Variants in DYNC1H1 observed in about 807,000 individuals in gnomAD.
DYNC1H1 encodes dynein cytoplasmic 1 heavy chain 1.
Under a neutral mutation model 527.1 loss-of-function variants are expected in DYNC1H1, and 51 were observed. The observed-to-expected ratio is 0.10, with a 90% CI of 0.08 to 0.12. The LOEUF (loss-of-function observed/expected upper bound fraction) is 0.12. Among genes scored for constraint, DYNC1H1 ranks in the 10% least tolerant of loss-of-function variants. The probability of loss-of-function intolerance (pLI) is 1.00; values close to 1 mark genes in which losing one functional copy is unlikely to be tolerated. For missense variants in DYNC1H1, 2,771 were observed against 5,971.8 expected (o/e 0.46, Z 17.66); for synonymous variants, 2,189 against 2,278.8 (o/e 0.96, Z 1.12).
intron 57 of DYNC1H1, chr14:102,037,716 T>C (rs2048594444): frequency 1.3e-5 from 2 of 153,656 alleles, no homozygotes; most frequent in Admixed American, 1.3e-4. Context: ...TTTACCTATG[T>C]AACAAACCTG....
chr14:102,032,830 G>T, intron 52 of DYNC1H1: 1 of 584,372 alleles, frequency 1.7e-6, no homozygotes, highest in Non-Finnish European at 3.0e-6. Flanking sequence ...TCCAGCCTGG[G>T]TGACAGAGAA....
In DYNC1H1 at chr14:101,979,383, G is replaced by A. The variant is rs143421325; in HGVS notation, c.409G>A (p.Val137Ile). ...ADKPVSSQLR[V>I]LTLSEDSPYE... ...TAAACCCGTGTCTTCTCAGCTCCGG[G>A]TCCTTACACTCAGTGAAGACTCGCC... Residue 137 changes from valine to isoleucine, a missense_variant, in exon 3 of 78, where the codon GTC becomes ATC. Around this residue, in one of 32 missense-constraint regions of DYNC1H1, gnomAD observed 146 missense variants for 288.1 expected, o/e 0.51. Transcript: ENST00000360184. This position sits in a 1 kb window ranked among gnomAD's most constrained non-coding sequence, Gnocchi z 4.6. 1.8e-4 allele frequency: 285 copies of A among 1,614,110 alleles called. No individual in the cohort carries two copies. In the African/African-American group the frequency reaches 3.3e-3, roughly 19 times the overall value.
rs758656677 is a variant in DYNC1H1, at chr14:102,050,056, GCT to G, written c.13685-14_13685-13del. 3 of 1,614,126 alleles carry G rather than the reference GCT, an allele frequency of 1.9e-6. No individual in the cohort carries two copies. The highest frequency in any genetic ancestry group is 2.5e-6 in the Non-Finnish European group (3 of 1,180,014). ...TGTGTTCACCTCAGCCTGGGTTTTG[GCT>G]TCCGCCTCACAGGTTTGAAACTTCA... On this transcript the variant is annotated splice_polypyrimidine_tract_variant and intron_variant, in intron 76 of 77. Transcript: ENST00000360184.
intron 69 of DYNC1H1, chr14:102,043,178 G>T (rs868684871): frequency 1.6e-5 from 5 of 305,868 alleles, no homozygotes; most frequent in Middle Eastern, 2.3e-3. Context: ...AGCTACTGGG[G>T]AGGCTGAGGC....
rs2048187055 is a variant in DYNC1H1 at position 102,005,504 on chromosome 14, A to G, written c.5433+268A>G. 6.6e-6 allele frequency among the ~76,000 whole-genome samples: 1 copy of G among 152,228 alleles called. No individual in the cohort carries two copies. Among genetic ancestry groups the G allele is most frequent in the South Asian group, 2.1e-4 (1 of 4,838 alleles). On this transcript the variant is annotated intron_variant, in intron 26 of 77. Transcript: ENST00000360184. The surrounding 1 kb of genome is among the most constrained non-coding windows in gnomAD (Gnocchi z 4.0). ...TCTTGCTCTTTCCTGTCATCTCCCC[A>G]GAGAGGTGGCCACAGCAGTGCTAAG...
At chr14:102,040,796 C>A in intron 64 of DYNC1H1, 123 bp downstream of exon 64, 1 of 1,211,552 alleles carries the variant, frequency 8.3e-7, no homozygotes, top group Non-Finnish European at 1.2e-6. Context: ...CCCATCTCTA[C>A]AAAAAATAAA....
chr14:102,042,144 T>G lies in DYNC1H1; in HGVS notation c.12214+20T>G, dbSNP rs200763934. ...CAATCGGTAAGGATGCTTGAGGGGC[T>G]TCATGGGCTGGAGCCCTGCAGGATT... On this transcript the variant is annotated intron_variant, in intron 66 of 77. Coordinates refer to ENST00000360184, the MANE Select transcript of DYNC1H1 (RefSeq NM_001376.5). This position sits in a 1 kb window ranked among gnomAD's most constrained non-coding sequence, Gnocchi z 5.7. 1.2e-6 allele frequency: 2 copies of G among 1,613,964 alleles called. No individual in the cohort carries two copies. The highest frequency in any genetic ancestry group is 1.7e-6 in the Non-Finnish European group (2 of 1,180,004).
intron 29 of DYNC1H1, chr14:102,009,203 C>T (rs573914412): frequency 6.5e-6 from 1 of 154,200 alleles, no homozygotes; most frequent in Non-Finnish European, 1.4e-5. Context: ...AGGAGGCAAA[C>T]ATTTGGGTAT....
At position 102,039,818 on chromosome 14, in the gene DYNC1H1, C is replaced by A. The variant is rs193061551; in HGVS notation, c.11690+86C>A. ...GATCAGATACATGCTTTTATTATTT[C>A]TTTTATTTTCTCTTTTATTTTCTTT... On this transcript the variant is annotated intron_variant, in intron 62 of 77. Transcript: ENST00000360184. The surrounding 1 kb of genome is among the most constrained non-coding windows in gnomAD (Gnocchi z 7.0). 4.4e-5 allele frequency: 62 copies of A among 1,411,664 alleles called. No individual in the cohort carries two copies. The African/African-American group carries it at 8.5e-4, about 19-fold the overall frequency. The allele number at this position is 1,411,664 out of a possible 1,614,324, so 87.4% of individuals were successfully genotyped here. A position where few individuals can be genotyped will look rare whatever the true frequency, so the allele number is the denominator to read the frequency against.
Position 102,017,815 on chromosome 14 carries a change from A to C in DYNC1H1, c.8177+311A>C. On this transcript the variant is annotated intron_variant, in intron 40 of 77. Transcript: ENST00000360184. The surrounding 1 kb of genome is among the most constrained non-coding windows in gnomAD (Gnocchi z 4.6). ...CCTCGTCTCTACTGAAAATACAAAAACAAAATTAAGGCCGGGCGTGGTGGC... is the reference window on the plus strand; with the variant it reads ...CCTCGTCTCTACTGAAAATACAAAACCAAAATTAAGGCCGGGCGTGGTGGC... The C allele has an allele frequency of 2.6e-6, 1 of 386,266 alleles. No individual in the cohort carries two copies. The highest frequency in any genetic ancestry group is 4.7e-6 in the Non-Finnish European group (1 of 211,318). The allele number at this position is 386,266 out of a possible 1,614,324, so 23.9% of individuals were successfully genotyped here. A position where few individuals can be genotyped will look rare whatever the true frequency, so the allele number is the denominator to read the frequency against.
chr14:102,006,345 C>T (rs1262507669), intron 27 of DYNC1H1, among the ~76,000 whole-genome samples, 175 bp downstream of exon 27: 1 of 151,936 alleles, frequency 6.6e-6, no homozygotes, highest in African/African-American at 2.4e-5. Context: ...AGCCATTCTC[C>T]TGCCTCAGCC....
At position 101,997,355 on chromosome 14, in the gene DYNC1H1, C is replaced by G. The variant is rs1252610614; in HGVS notation, c.3804+81C>G. 1 of 1,603,988 alleles carries G rather than the reference C, an allele frequency of 6.2e-7. No homozygotes were observed. The highest frequency in any genetic ancestry group is 8.5e-7 in the Non-Finnish European group (1 of 1,176,078). On this transcript the variant is annotated intron_variant, in intron 16 of 77. Transcript: ENST00000360184. This position sits in a 1 kb window ranked among gnomAD's most constrained non-coding sequence, Gnocchi z 4.8. ...TGACTTTCTTTCAAGCCTAAAAGGC[C>G]TTGCTGTGACTGAGCTTTCTAGTAT...
rs957110723 is a variant in DYNC1H1 at position 101,965,693 on chromosome 14, G to A, written c.256+746G>A. Among the ~76,000 whole-genome samples, 3 of 151,866 alleles carry A rather than the reference G, an allele frequency of 2.0e-5. No homozygotes were observed. Among genetic ancestry groups the A allele is most frequent in the Non-Finnish European group, 4.4e-5 (3 of 68,014 alleles). On this transcript the variant is annotated intron_variant, in intron 1 of 77. Coordinates refer to ENST00000360184, the MANE Select transcript of DYNC1H1 (RefSeq NM_001376.5). The surrounding 1 kb of genome is among the most constrained non-coding windows in gnomAD (Gnocchi z 4.1). ...GGTCACCAGCTAATCTTAGTCCTGA[G>A]ACTAGACTCAGTGTCTCAGCTCCCC...
chr14:101,988,670 A>G, intron 9 of DYNC1H1, 33 bp from the exon 10 acceptor site: 1 of 1,613,962 alleles, frequency 6.2e-7, no homozygotes, highest in Non-Finnish European at 8.5e-7. Context: ...CTTTTAGAAG[A>G]AACACTGTTC....
chr14:101,975,703 G>A lies in DYNC1H1; in HGVS notation c.257-9G>A, dbSNP rs200907076. The A allele has an allele frequency of 1.9e-6, 3 of 1,607,402 alleles. No homozygotes were observed. Among genetic ancestry groups the A allele is most frequent in the Admixed American group, 3.3e-5 (2 of 59,988 alleles). On this transcript the variant is annotated splice_polypyrimidine_tract_variant and intron_variant, in intron 1 of 77. Coordinates refer to ENST00000360184, the MANE Select transcript of DYNC1H1 (RefSeq NM_001376.5). Reference sequence around the variant, plus strand: ...GATATTAATTTGATATATTTATTATGATTTGTAGAGGACGTCGGTGATGAA... The same window carrying A: ...GATATTAATTTGATATATTTATTATAATTTGTAGAGGACGTCGGTGATGAA...
At chr14:101,968,680 G>A (rs747338112) in intron 1 of DYNC1H1, among the ~76,000 whole-genome samples, 2 of 151,916 alleles carry the variant, frequency 1.3e-5, no homozygotes, top group African/African-American at 2.4e-5. Flanking sequence ...ACCCATCTCA[G>A]CCTCCTGAGT....
Position 102,039,752 on chromosome 14 carries a change from C to T in DYNC1H1, c.11690+20C>T. The T allele has an allele frequency of 6.2e-7, 1 of 1,613,754 alleles. No homozygotes were observed. On this transcript the variant is annotated intron_variant, in intron 62 of 77. Transcript: ENST00000360184. The surrounding 1 kb of genome is among the most constrained non-coding windows in gnomAD (Gnocchi z 7.0). Reference sequence around the variant, plus strand: ...CGTGGGGTAAGAGCACTCACGCCCACAGGAGGATGCCATATTGCTGGTGGC... The same window carrying T: ...CGTGGGGTAAGAGCACTCACGCCCATAGGAGGATGCCATATTGCTGGTGGC...
In DYNC1H1 at chr14:102,010,634, C is replaced by G; in HGVS notation, c.6406-106C>G. The G allele has an allele frequency of 6.5e-7, 1 of 1,529,104 alleles. No individual in the cohort carries two copies. The allele number at this position is 1,529,104 out of a possible 1,614,324, so 94.7% of individuals were successfully genotyped here. A position where few individuals can be genotyped will look rare whatever the true frequency, so the allele number is the denominator to read the frequency against. On this transcript the variant is annotated intron_variant, in intron 31 of 77. Coordinates refer to ENST00000360184, the MANE Select transcript of DYNC1H1 (RefSeq NM_001376.5). The surrounding 1 kb of genome is among the most constrained non-coding windows in gnomAD (Gnocchi z 6.0). ...TGCACGAATGTGGGCGAGTGGTGCT[C>G]GCACCCTTTGTTCACCAACAGTTAC...
intron 43 of DYNC1H1, among the ~76,000 whole-genome samples, chr14:102,024,247 T>G (rs1038753207): frequency 6.6e-6 from 1 of 152,254 alleles, no homozygotes; most frequent in African/African-American, 2.4e-5. Context: ...AGTTCACCTC[T>G]CCAGAATAGC....
Sources: allele counts gnomAD v4.1 joint callset (sites outside exome capture counted in the v4.1 genomes callset), GRCh38; gene constraint gnomAD v4.1.1; regional missense constraint gnomAD v4.1.1; non-coding constraint Gnocchi (gnomAD v3.1); transcripts MANE v1.5; gene names NCBI Gene and HGNC (gene_info 2026-07-23, HGNC 2026-07-21).